The following SPPL2A variants were observed in gnomAD, a reference collection of about 807,000 sequenced individuals.
The protein encoded by SPPL2A is signal peptide peptidase-like 2A.
In SPPL2A, 51 loss-of-function variants were observed where a neutral mutation model predicts 63.8. That is an observed-to-expected ratio of 0.80 (90% confidence interval 0.64 to 1.01). The LOEUF (loss-of-function observed/expected upper bound fraction) is 1.01, where lower values mean the gene tolerates loss of function less well. Among genes scored for constraint, SPPL2A ranks in the 50% least tolerant of loss-of-function variants. SPPL2A has a pLI of 0.00. For synonymous variants in SPPL2A, 188 were observed against 205.8 expected (o/e 0.91, Z 0.74); for missense variants, 553 against 622.7 (o/e 0.89, Z 1.19).
chr15:50,756,667 C>T (rs1357190159), intron 1 of SPPL2A, among the ~76,000 whole-genome samples: 2 of 152,118 alleles, frequency 1.3e-5, no homozygotes, highest in East Asian at 1.9e-4. Flanking sequence ...GGGAAGATCG[C>T]TTGAGGCCAG....
chr15:50,748,798 T>G lies in SPPL2A; in HGVS notation c.250A>C (p.Lys84Gln). The G allele has an allele frequency of 6.2e-7, 1 of 1,612,484 alleles. No homozygotes were observed. The highest frequency in any genetic ancestry group is 1.1e-5 in the South Asian group (1 of 90,876). ...CATGGAACCACAACTGCTTTGCTCT[T>G]TATGCCAACAGGAGGAATATCAGAA... ...NLSDIPPVGI[K>Q]SKAVVVPWGS... The change falls in exon 3 of 15, where the codon AAG (lysine) becomes CAG (glutamine). Residue 84 changes from lysine to glutamine, a missense_variant. By Grantham distance (53) the Lys-to-Gln change is moderately conservative. Transcript: ENST00000261854.
chr15:50,752,258 C>T (rs538877125), intron 1 of SPPL2A, among the ~76,000 whole-genome samples: 1 of 152,138 alleles, frequency 6.6e-6, no homozygotes, highest in African/African-American at 2.4e-5. Flanking sequence ...TCAAATTGTT[C>T]CAAATTTGGG....
At chr15:50,738,191 C>CAA (rs36083697) in intron 6 of SPPL2A, among the ~76,000 whole-genome samples, 2 of 144,544 alleles carry the variant, frequency 1.4e-5, no homozygotes, top group Non-Finnish European at 3.0e-5. Flanking sequence ...AAGACTGTCT[C>CAA]AAAAAAAAAG....
intron 5 of SPPL2A, among the ~76,000 whole-genome samples, chr15:50,743,591 T>C (rs1170695746): frequency 6.6e-6 from 1 of 151,996 alleles, no homozygotes; most frequent in Admixed American, 6.6e-5. Flanking sequence ...AAGTGATCTA[T>C]CTGCCTTGGC....
Position 50,707,682 on chromosome 15 carries a change from AT to A in SPPL2A, c.*117del. The A allele has an allele frequency of 1.6e-6, 1 of 620,454 alleles. No individual in the cohort carries two copies. Among genetic ancestry groups the A allele is most frequent in the South Asian group, 2.0e-5 (1 of 49,862 alleles). 38.4% of individuals were successfully genotyped at this position (620,454 alleles called of 1,614,324 possible). A position where few individuals can be genotyped will look rare whatever the true frequency, so the allele number is the denominator to read the frequency against. On this transcript the variant is annotated 3_prime_UTR_variant, in exon 15 of 15. Coordinates refer to ENST00000261854, the MANE Select transcript of SPPL2A (RefSeq NM_032802.4). ...ACTGTCAGTACCAGCTCATAAAAAT[AT>A]ATTTTTGCAAGCATATCATTGAAGA...
intron 14 of SPPL2A, among the ~76,000 whole-genome samples, chr15:50,718,881 T>A (rs9920753): frequency 0.3 from 45,857 of 151,876 alleles, 7,476 homozygotes; most frequent in East Asian, 0.57. Flanking sequence ...TGTTCACGTG[T>A]CAACTGACAC....
At chr15:50,751,780 T>A (rs1361453644) in intron 1 of SPPL2A, among the ~76,000 whole-genome samples, 1 of 152,182 alleles carries the variant, frequency 6.6e-6, no homozygotes, top group East Asian at 1.9e-4. Flanking sequence ...TTTAAAATAT[T>A]GTCATTCCTT....
intron 9 of SPPL2A, among the ~76,000 whole-genome samples, chr15:50,732,388 A>T (rs1331918866): frequency 4.6e-5 from 7 of 152,110 alleles, no homozygotes; most frequent in Non-Finnish European, 8.8e-5. Flanking sequence ...CCTGGGGGTT[A>T]AGGACTGATT....
At chr15:50,759,318 C>T (rs886967511) in intron 1 of SPPL2A, among the ~76,000 whole-genome samples, 3 of 152,158 alleles carry the variant, frequency 2.0e-5, no homozygotes, top group Non-Finnish European at 4.4e-5. Flanking sequence ...CAGTGGCTCA[C>T]ACCTGTAATC....
chr15:50,727,182 A>C (rs1345028817), intron 10 of SPPL2A, among the ~76,000 whole-genome samples: 1 of 152,200 alleles, frequency 6.6e-6, no homozygotes, highest in East Asian at 1.9e-4. Flanking sequence ...TGTATCAGCA[A>C]AGCAGGTACA....
Position 50,726,190 on chromosome 15 carries a change from T to A in SPPL2A, c.1146+131A>T. On this transcript the variant is annotated intron_variant, in intron 11 of 14. Coordinates refer to ENST00000261854, the MANE Select transcript of SPPL2A (RefSeq NM_032802.4). ...AGAATAACTAAGAAAAGAGCTATAT[T>A]TTCTGAGAAATAAGTTTTACAATAC... The A allele has an allele frequency of 2.0e-6, 3 of 1,483,852 alleles. No homozygotes were observed. In the South Asian group the frequency reaches 3.7e-5, roughly 18 times the overall value. 91.9% of individuals were successfully genotyped at this position (1,483,852 alleles called of 1,614,324 possible).
In SPPL2A at chr15:50,743,485, A is replaced by G. The variant is rs961467196; in HGVS notation, c.585-3657T>C. Among the ~76,000 whole-genome samples the G allele has an allele frequency of 2.0e-5, 3 of 151,916 alleles. No homozygotes were observed. The East Asian group carries it at 5.9e-4, about 30-fold the overall frequency. ...ATCAGCCTCCTGAGTAGCTAGGACT[A>G]TAGGTTCATGTCACCACACCCAACT... is the stretch of plus-strand genomic sequence containing the variant. On this transcript the variant is annotated intron_variant, in intron 5 of 14. Transcript: ENST00000261854.
At chr15:50,740,154 C>T (rs1418270277) in intron 5 of SPPL2A, among the ~76,000 whole-genome samples, 1 of 151,978 alleles carries the variant, frequency 6.6e-6, no homozygotes, top group Admixed American at 6.6e-5. Flanking sequence ...GTTGGCCGAG[C>T]ATGATGGCTC....
chr15:50,718,612 T>C (rs2062618916), intron 14 of SPPL2A, among the ~76,000 whole-genome samples: 2 of 152,144 alleles, frequency 1.3e-5, no homozygotes, highest in African/African-American at 4.8e-5. Flanking sequence ...ACAGTATAAG[T>C]TGAGACAACA....
In SPPL2A at chr15:50,706,269, A is replaced by T. The variant is rs1361308924; in HGVS notation, c.*1531T>A. On this transcript the variant is annotated 3_prime_UTR_variant, in exon 15 of 15. Transcript: ENST00000261854. Reference sequence around the variant, plus strand: ...GCCGGGCGTAGTGGCGGGCGCCTGTAGTCCTAGCTACTTGGGAGGCTGAGG... The same window carrying T: ...GCCGGGCGTAGTGGCGGGCGCCTGTTGTCCTAGCTACTTGGGAGGCTGAGG... The T allele has an allele frequency of 1.3e-5, 2 of 150,366 alleles. No homozygotes were observed. Among genetic ancestry groups the T allele is most frequent in the African/African-American group, 4.9e-5 (2 of 41,032 alleles). The allele number at this position is 150,366 out of a possible 1,614,324, so 9.3% of individuals were successfully genotyped here.
chr15:50,723,173 G>A (rs899542498), intron 12 of SPPL2A, among the ~76,000 whole-genome samples: 1 of 152,246 alleles, frequency 6.6e-6, no homozygotes, highest in Admixed American at 6.5e-5. Context: ...CCTTAGAGAC[G>A]ATGTACCAAA....
chr15:50,746,056 A>T (rs950823850), intron 5 of SPPL2A, among the ~76,000 whole-genome samples: 15 of 151,888 alleles, frequency 9.9e-5, no homozygotes, highest in African/African-American at 3.6e-4. Flanking sequence ...ATCTCAAAAA[A>T]ATATATATAA....
chr15:50,735,621 G>A (rs1179978286), intron 8 of SPPL2A, among the ~76,000 whole-genome samples: 2 of 152,010 alleles, frequency 1.3e-5, no homozygotes, highest in South Asian at 2.1e-4. Flanking sequence ...GTGCAATGGC[G>A]CGATCTTGGC....
intron 14 of SPPL2A, among the ~76,000 whole-genome samples, chr15:50,713,872 A>T (rs2062579690): frequency 6.6e-6 from 1 of 152,208 alleles, no homozygotes; most frequent in Non-Finnish European, 1.5e-5. Flanking sequence ...AATGATAGCA[A>T]ATAAATTCAC....
Sources: allele counts gnomAD v4.1 joint callset (sites outside exome capture counted in the v4.1 genomes callset), GRCh38; gene constraint gnomAD v4.1.1; transcripts MANE v1.5; gene names NCBI Gene and HGNC (gene_info 2026-07-23, HGNC 2026-07-21).